VRK1: variants seen among roughly 807,000 people sequenced by gnomAD.
VRK1 encodes the protein VRK serine/threonine kinase 1.
Under a neutral mutation model 57.1 loss-of-function variants are expected in VRK1, and 33 were observed. The ratio of observed to expected loss-of-function variants is 0.58; its 90% CI spans 0.44 to 0.77. The LOEUF (loss-of-function observed/expected upper bound fraction) is 0.77. Among genes scored for constraint, VRK1 ranks in the 30% least tolerant of loss-of-function variants. The probability of loss-of-function intolerance (pLI) is 0.00; values close to 1 mark genes in which losing one functional copy is unlikely to be tolerated. For synonymous variants in VRK1, 137 were observed against 147.8 expected (o/e 0.93, Z 0.53); for missense variants, 413 against 477.3 (o/e 0.87, Z 1.25).
intron 12 of VRK1, among the ~76,000 whole-genome samples, chr14:96,876,803 A>C (rs983628931): frequency 2.0e-5 from 3 of 151,380 alleles, no homozygotes; most frequent in Admixed American, 6.6e-5. Flanking sequence ...ACAAAAAAAC[A>C]AAAAAAACAA....
At chr14:96,814,908 C>G (rs12894621) in intron 1 of VRK1, among the ~76,000 whole-genome samples, 1 of 151,876 alleles carries the variant, frequency 6.6e-6, no homozygotes, top group Non-Finnish European at 1.5e-5. Context: ...AAAGTAATTG[C>G]GGTCCAACCT....
intron 12 of VRK1, among the ~76,000 whole-genome samples, chr14:96,879,856 G>A (rs1401982325): frequency 6.6e-6 from 1 of 151,792 alleles, no homozygotes; most frequent in Non-Finnish European, 1.5e-5. Flanking sequence ...TTGAACCCAG[G>A]AGGCGGAGGT....
rs1888150837 is a variant in VRK1 at position 96,856,289 on chromosome 14, T to C, written c.830+39T>C. ...TAAGTTATTTCTAGCAAAATCATGA[T>C]AAGCCAAATGTTTTTAGTCACAATT... is the stretch of plus-strand genomic sequence containing the variant. On this transcript the variant is annotated intron_variant, in intron 9 of 12. Coordinates refer to ENST00000216639, the MANE Select transcript of VRK1 (RefSeq NM_003384.3). 3 of 1,605,702 alleles carry C rather than the reference T, an allele frequency of 1.9e-6. No individual in the cohort carries two copies. In the African/African-American group the frequency reaches 4.0e-5, roughly 21 times the overall value.
At chr14:96,836,498 G>C (rs1280638712) in intron 2 of VRK1, among the ~76,000 whole-genome samples, 1 of 147,744 alleles carries the variant, frequency 6.8e-6, no homozygotes, top group Admixed American at 6.7e-5. Flanking sequence ...AACATGTCAA[G>C]CACACTCCTA....
chr14:96,845,542 G>C, intron 3 of VRK1, among the ~76,000 whole-genome samples: 1 of 152,206 alleles, frequency 6.6e-6, no homozygotes, highest in East Asian at 1.9e-4. Context: ...ATCTGTGTCA[G>C]AAAGGAAGGA....
At chr14:96,814,889 G>A (rs1886334234) in intron 1 of VRK1, among the ~76,000 whole-genome samples, 1 of 152,096 alleles carries the variant, frequency 6.6e-6, no homozygotes, top group African/African-American at 2.4e-5. Context: ...TTAATATTAT[G>A]TTGGTGCAAA....
chr14:96,856,991 T>C (rs1478838920), intron 10 of VRK1, among the ~76,000 whole-genome samples: 4 of 151,950 alleles, frequency 2.6e-5, no homozygotes, highest in African/African-American at 9.7e-5. Context: ...TGTTAGATGG[T>C]TTGTTAAATG....
rs548811802 is a variant in VRK1, at chr14:96,850,418, G to A, written c.375-2413G>A. Reference sequence around the variant, plus strand: ...TATACATCAAAGGTTTTACTTTAGAGGAGTTACTTAGAAATAGCTTTCATT... The same window carrying A: ...TATACATCAAAGGTTTTACTTTAGAAGAGTTACTTAGAAATAGCTTTCATT... On this transcript the variant is annotated intron_variant, in intron 5 of 12. Coordinates refer to ENST00000216639, the MANE Select transcript of VRK1 (RefSeq NM_003384.3). Among the ~76,000 whole-genome samples, 6 of 152,286 alleles carry A rather than the reference G, an allele frequency of 3.9e-5. No individual in the cohort carries two copies. The South Asian group carries it at 1.2e-3, about 32-fold the overall frequency.
chr14:96,828,123 G>C (rs1886869017), intron 1 of VRK1, among the ~76,000 whole-genome samples: 1 of 150,840 alleles, frequency 6.6e-6, no homozygotes, highest in African/African-American at 2.4e-5. Context: ...ACAGTGTTTG[G>C]TATGTCCATC....
intron 1 of VRK1, among the ~76,000 whole-genome samples, chr14:96,828,291 A>T (rs961854210): frequency 2.0e-5 from 3 of 152,194 alleles, no homozygotes; most frequent in African/African-American, 7.2e-5. Flanking sequence ...CTGCCAAATG[A>T]ATTTTCAAAA....
At chr14:96,822,144 T>C (rs928359521) in intron 1 of VRK1, among the ~76,000 whole-genome samples, 1 of 151,830 alleles carries the variant, frequency 6.6e-6, no homozygotes, top group Non-Finnish European at 1.5e-5. Flanking sequence ...TTTTAGAAAA[T>C]TATTTTTCTC....
chr14:96,847,221 A>T (rs762976452), intron 4 of VRK1, 36 bp from the exon 5 acceptor site: 1 of 1,557,752 alleles, frequency 6.4e-7, no homozygotes, highest in Admixed American at 1.7e-5. Context: ...TTTATGTATA[A>T]CAATTGAAAT....
rs547306402 is a variant in VRK1, at chr14:96,829,565, C to T, written c.-5-3902C>T. Among the ~76,000 whole-genome samples, 4 of 152,236 alleles carry T rather than the reference C, an allele frequency of 2.6e-5. No individual in the cohort carries two copies. The South Asian group carries it at 8.3e-4, about 32-fold the overall frequency. ...TTCTATCTTTTATCTCTGTCTCTTT[C>T]TTCCATATCTGAATCCTGATGTTCA... On this transcript the variant is annotated intron_variant, in intron 1 of 12. Transcript: ENST00000216639.
chr14:96,805,931 A>G (rs969886584), intron 1 of VRK1, among the ~76,000 whole-genome samples: 4 of 151,556 alleles, frequency 2.6e-5, no homozygotes, highest in Non-Finnish European at 5.9e-5. Context: ...AGATTGACCA[A>G]GAATATTTCA....
chr14:96,836,251 G>C (rs1887207010), intron 2 of VRK1, among the ~76,000 whole-genome samples: 1 of 152,046 alleles, frequency 6.6e-6, no homozygotes, highest in African/African-American at 2.4e-5. Flanking sequence ...TGATCTGCCT[G>C]CTTCTGCCCC....
At chr14:96,798,856 C>T (rs1252596957) in intron 1 of VRK1, among the ~76,000 whole-genome samples, 1 of 152,148 alleles carries the variant, frequency 6.6e-6, no homozygotes, top group Non-Finnish European at 1.5e-5. Context: ...AGATTATGTT[C>T]ATCTGTTACC....
intron 5 of VRK1, among the ~76,000 whole-genome samples, chr14:96,847,772 C>G (rs1011002178): frequency 6.6e-6 from 1 of 152,188 alleles, no homozygotes; most frequent in Admixed American, 6.5e-5. Flanking sequence ...TCTGCCCACA[C>G]AAGATTAGGC....
Position 96,855,248 on chromosome 14 carries a change from G to A in VRK1, c.601G>A (p.Ala201Thr). 2 of 1,614,028 alleles carry A rather than the reference G, an allele frequency of 1.2e-6. No individual in the cohort carries two copies. Among genetic ancestry groups the A allele is most frequent in the South Asian group, 1.1e-5 (1 of 91,078 alleles). The change falls in exon 8 of 13, where the codon GCT becomes ACT. Residue 201 changes from alanine to threonine, a missense_variant. Around this residue, in one of 3 missense-constraint regions of VRK1, gnomAD observed 151 missense variants for 225.5 expected, o/e 0.67. Transcript: ENST00000216639. Reference protein sequence around the residue: ...DQVYLVDYGLAYRYCPEGVHK... With the variant: ...DQVYLVDYGLTYRYCPEGVHK... The stretch of plus-strand genomic sequence containing the variant: ...GGTGTACTTGGTAGATTATGGCCTT[G>A]CTTATCGGTACTGCCCAGAAGGAGT...
intron 1 of VRK1, among the ~76,000 whole-genome samples, chr14:96,828,429 T>G (rs946206398): frequency 1.3e-5 from 2 of 152,194 alleles, no homozygotes; most frequent in African/African-American, 4.8e-5. Context: ...CTGCTTAAAC[T>G]CCTTAGATTG....
Sources: gnomAD v4.1 joint callset for allele counts (sites outside exome capture counted in the v4.1 genomes callset) on GRCh38, gnomAD v4.1.1 for gene constraint, gnomAD v4.1.1 regional missense constraint, MANE v1.5 for transcripts, NCBI Gene and HGNC (gene_info 2026-07-23, HGNC 2026-07-21) for gene names.